KCNIP4: variants seen among roughly 807,000 people sequenced by gnomAD.
KCNIP4 encodes potassium voltage-gated channel interacting protein 4.
A neutral mutation model predicts 34.0 loss-of-function variants in KCNIP4; 12 were observed. The ratio of observed to expected loss-of-function variants is 0.35; its 90% CI spans 0.23 to 0.57. The LOEUF is 0.57. KCNIP4 is among the 20% of genes least tolerant of loss of function. The pLI is 0.83. For missense variants in KCNIP4, 238 were observed against 311.7 expected (o/e 0.76, Z 1.78); for synonymous variants, 124 against 102.2 (o/e 1.21, Z -1.29).
At chr4:20,916,420 T>C in intron 1 of KCNIP4, 21 of 809,122 alleles carry the variant, frequency 2.6e-5, no homozygotes, top group Non-Finnish European at 3.1e-5. Context: ...TATGCACTAA[T>C]AGAAAATATA....
At chr4:21,782,127 T>C (rs1427255223) in intron 1 of KCNIP4, among the ~76,000 whole-genome samples, 1 of 152,076 alleles carries the variant, frequency 6.6e-6, no homozygotes, top group African/African-American at 2.4e-5. Flanking sequence ...TAAATACAAA[T>C]ACTCTAAATA....
chr4:21,709,747 C>T (rs1240833487), intron 1 of KCNIP4, among the ~76,000 whole-genome samples: 1 of 152,086 alleles, frequency 6.6e-6, no homozygotes, highest in Non-Finnish European at 1.5e-5. Flanking sequence ...ATAGTAGAGG[C>T]AATGGTATTA....
chr4:21,402,955 C>T (rs1210349255), intron 1 of KCNIP4, among the ~76,000 whole-genome samples: 1 of 152,154 alleles, frequency 6.6e-6, no homozygotes, highest in Non-Finnish European at 1.5e-5. Context: ...AGTTCTTTTG[C>T]TCTGGCATCC....
At chr4:21,775,028 T>C (rs1032955775) in intron 1 of KCNIP4, among the ~76,000 whole-genome samples, 2 of 152,228 alleles carry the variant, frequency 1.3e-5, no homozygotes, top group Admixed American at 6.5e-5. Context: ...AGGAGCCATT[T>C]TGTCCTTTTG....
chr4:21,470,419 T>C (rs574104414), intron 1 of KCNIP4, among the ~76,000 whole-genome samples: 4 of 118,788 alleles, frequency 3.4e-5, no homozygotes, highest in Admixed American at 1.6e-4. Flanking sequence ...CTAAGTACTT[T>C]AACTTGTTCA....
intron 1 of KCNIP4, among the ~76,000 whole-genome samples, chr4:21,694,022 C>A (rs866961599): frequency 1.3e-5 from 2 of 152,204 alleles, no homozygotes; most frequent in East Asian, 1.9e-4. Flanking sequence ...AAACAATGTA[C>A]AGAATATTGA....
intron 3 of KCNIP4, among the ~76,000 whole-genome samples, chr4:20,841,648 T>C (rs10013980): frequency 0.37 from 56,004 of 151,644 alleles, 10,745 homozygotes; most frequent in Non-Finnish European, 0.43. Context: ...CCACATCTCC[T>C]TTCCGTCTTA....
intron 1 of KCNIP4, among the ~76,000 whole-genome samples, chr4:21,690,108 A>ACATATATTATATATATATT (rs1751150480): frequency 6.8e-6 from 1 of 147,392 alleles, no homozygotes; most frequent in Non-Finnish European, 1.5e-5. Context: ...GTATATATAT[A>ACATATATTATATATATATT]CATATATTAT....
intron 1 of KCNIP4, among the ~76,000 whole-genome samples, chr4:21,183,820 C>A (rs939371516): frequency 1.6e-4 from 24 of 152,026 alleles, no homozygotes; most frequent in Admixed American, 1.4e-3. Flanking sequence ...TTTCTCTGAT[C>A]TTTACAATAT....
chr4:21,054,707 C>CAA lies in KCNIP4; in HGVS notation c.62-172000_62-171999dup, dbSNP rs34366909. Among the ~76,000 whole-genome samples the CAA allele has an allele frequency of 8.7e-3, 747 of 86,134 alleles. 10 individuals are homozygous for CAA. The highest frequency in any genetic ancestry group is 0.013 in the Non-Finnish European group (524 of 41,682). The allele number at this position is 86,134 out of a possible 152,430, so 56.5% of individuals were successfully genotyped here. A position where few individuals can be genotyped will look rare whatever the true frequency, so the allele number is the denominator to read the frequency against. On this transcript the variant is annotated intron_variant, in intron 1 of 8. Transcript: ENST00000382152. Reference sequence around the variant, plus strand: ...CTCAACAAACCTGAATACTCACATGCAAAAAAAAAAAAAAAAAAAGAATCT... The same window carrying CAA: ...CTCAACAAACCTGAATACTCACATGCAAAAAAAAAAAAAAAAAAAAAGAATCT...
At chr4:21,256,934 C>A (rs966170223) in intron 1 of KCNIP4, among the ~76,000 whole-genome samples, 1 of 152,132 alleles carries the variant, frequency 6.6e-6, no homozygotes, top group Admixed American at 6.5e-5. Context: ...TCTCTATATG[C>A]GTACTTGTTG....
intron 1 of KCNIP4, among the ~76,000 whole-genome samples, chr4:21,333,147 C>G (rs1357261460): frequency 1.3e-5 from 2 of 151,974 alleles, no homozygotes; most frequent in African/African-American, 4.8e-5. Context: ...TGTAATTTTT[C>G]CATTTTTGAT....
chr4:21,473,257 A>T (rs994195325), intron 1 of KCNIP4, among the ~76,000 whole-genome samples: 2 of 152,210 alleles, frequency 1.3e-5, no homozygotes, highest in African/African-American at 4.8e-5. Context: ...TTTCTGAAAA[A>T]TACATAAAAT....
At chr4:21,585,966 C>T (rs2109082355) in intron 1 of KCNIP4, among the ~76,000 whole-genome samples, 1 of 152,080 alleles carries the variant, frequency 6.6e-6, no homozygotes, top group Non-Finnish European at 1.5e-5. Flanking sequence ...AGTCTCTATC[C>T]TTTGGTGAAG....
chr4:21,036,671 AG>A (rs1296157125), intron 1 of KCNIP4, among the ~76,000 whole-genome samples: 1 of 152,184 alleles, frequency 6.6e-6, no homozygotes, highest in Non-Finnish European at 1.5e-5. Flanking sequence ...GGTTGCAGTG[AG>A]CCGAGATGGC....
At chr4:21,402,008 C>A (rs1020818671) in intron 1 of KCNIP4, among the ~76,000 whole-genome samples, 3 of 152,152 alleles carry the variant, frequency 2.0e-5, no homozygotes, top group African/African-American at 4.8e-5. Context: ...TTTAGCATAT[C>A]CTGGATGAAA....
chr4:21,648,581 T>C lies in KCNIP4; in HGVS notation c.61+299990A>G, dbSNP rs151322034. On this transcript the variant is annotated intron_variant, in intron 1 of 8. Coordinates refer to ENST00000382152, the MANE Select transcript of KCNIP4 (RefSeq NM_025221.6). ...TCTCAAGCTCTAAATCATAAATATG[T>C]TGAGCCAGTCGTTTACATCAATTTC... 7.7e-4 allele frequency among the ~76,000 whole-genome samples: 117 copies of C among 152,286 alleles called. 1 individual carries two copies. The highest frequency in any genetic ancestry group is 2.7e-3 in the African/African-American group (114 of 41,562).
chr4:21,481,649 C>A (rs1731436935), intron 1 of KCNIP4, among the ~76,000 whole-genome samples: 1 of 152,096 alleles, frequency 6.6e-6, no homozygotes, highest in Non-Finnish European at 1.5e-5. Context: ...TTGAGCTTGG[C>A]ACTGGTGGGC....
At chr4:21,945,019 G>T (rs1730426313) in intron 1 of KCNIP4, among the ~76,000 whole-genome samples, 1 of 152,046 alleles carries the variant, frequency 6.6e-6, no homozygotes, top group South Asian at 2.1e-4. Context: ...ACTTGAAATA[G>T]TCGCTAAGAA....
Sources: allele counts gnomAD v4.1 joint callset (sites outside exome capture counted in the v4.1 genomes callset), GRCh38; gene constraint gnomAD v4.1.1; transcripts MANE v1.5; gene names NCBI Gene and HGNC (gene_info 2026-07-23, HGNC 2026-07-21).